The following FDX1 variants were observed in gnomAD, a reference collection of about 807,000 sequenced individuals.
FDX1 encodes adrenodoxin, mitochondrial.
In FDX1, 9 loss-of-function variants were observed where a neutral mutation model predicts 14.9. The ratio of observed to expected loss-of-function variants is 0.60; its 90% CI spans 0.36 to 1.05. FDX1 has a LOEUF of 1.05. Ranked by LOEUF, FDX1 falls within the 50% of genes least tolerant of loss-of-function variation. The probability of loss-of-function intolerance (pLI) is 0.01; values close to 1 mark genes in which losing one functional copy is unlikely to be tolerated. For synonymous variants in FDX1, 92 were observed against 99.4 expected (o/e 0.93, Z 0.44); for missense variants, 204 against 237.2 (o/e 0.86, Z 0.92).
intron 2 of FDX1, among the ~76,000 whole-genome samples, chr11:110,449,419 C>G (rs1946472208): frequency 1.3e-5 from 2 of 152,084 alleles, no homozygotes. Flanking sequence ...ATTGACAGAT[C>G]ATAATTGTAT....
chr11:110,448,945 A>G (rs533002775), intron 2 of FDX1, among the ~76,000 whole-genome samples: 1 of 152,316 alleles, frequency 6.6e-6, no homozygotes, highest in Non-Finnish European at 1.5e-5. Flanking sequence ...TGTCAGCACC[A>G]TGTGAACCAT....
rs185222384 is a variant in FDX1, at chr11:110,454,651, A to G, written c.311-2267A>G. Among the ~76,000 whole-genome samples the G allele has an allele frequency of 1.3e-3, 192 of 152,252 alleles. 1 individual carries two copies. The highest frequency in any genetic ancestry group is 4.3e-3 in the African/African-American group (179 of 41,550). ...TCTAAGAGTTTCTGTAACTTTGGAT[A>G]ATAATAATAATGTTTACCAACACTT... On this transcript the variant is annotated intron_variant, in intron 2 of 3. Transcript: ENST00000260270.
At chr11:110,439,901 C>T (rs542027430) in intron 2 of FDX1, among the ~76,000 whole-genome samples, 1 of 152,194 alleles carries the variant, frequency 6.6e-6, no homozygotes, top group South Asian at 2.1e-4. Flanking sequence ...ATATAATAGC[C>T]ATCAATCCCA....
At chr11:110,434,233 A>G (rs1946351223) in intron 1 of FDX1, among the ~76,000 whole-genome samples, 1 of 152,220 alleles carries the variant, frequency 6.6e-6, no homozygotes, top group Non-Finnish European at 1.5e-5. Context: ...GTAAGTATAC[A>G]ATGTGGACTG....
intron 1 of FDX1, among the ~76,000 whole-genome samples, chr11:110,433,650 A>G (rs1264580608): frequency 6.6e-6 from 1 of 152,230 alleles, no homozygotes. Context: ...AAAATTATGA[A>G]TAATATGTGG....
intron 2 of FDX1, among the ~76,000 whole-genome samples, chr11:110,450,920 A>G (rs916769246): frequency 2.6e-5 from 4 of 152,108 alleles, no homozygotes; most frequent in Non-Finnish European, 4.4e-5. Context: ...AGCCACCAAT[A>G]TTACTCTGGG....
rs59467093 is a variant in FDX1 at position 110,461,496 on chromosome 11, TAAA to T, written c.441-840_441-838del. Among the ~76,000 whole-genome samples, 66 of 106,336 alleles carry T rather than the reference TAAA, an allele frequency of 6.2e-4. 1 individual carries two copies. Among genetic ancestry groups the T allele is most frequent in the South Asian group, 4.0e-3 (13 of 3,282 alleles). The allele number at this position is 106,336 out of a possible 152,430, so 69.8% of individuals were successfully genotyped here. ...TGGGTGACAGAGCCAGACCCTGTCTTAAAAAAAAAAAAAAAAAAAAGAAGGAAA... is the reference window on the plus strand; with the variant it reads ...TGGGTGACAGAGCCAGACCCTGTCTTAAAAAAAAAAAAAAAAAGAAGGAAA... On this transcript the variant is annotated intron_variant, in intron 3 of 3. Coordinates refer to ENST00000260270, the MANE Select transcript of FDX1 (RefSeq NM_004109.5).
In FDX1 at chr11:110,463,869, A is replaced by C. The variant is rs1946574667; in HGVS notation, c.*1401A>C. The C allele has an allele frequency of 6.6e-6, 1 of 151,748 alleles. No individual in the cohort carries two copies. The highest frequency in any genetic ancestry group is 3.4e-3 in the Middle Eastern group (1 of 294). 9.4% of individuals were successfully genotyped at this position (151,748 alleles called of 1,614,324 possible). A position where few individuals can be genotyped will look rare whatever the true frequency, so the allele number is the denominator to read the frequency against. On this transcript the variant is annotated 3_prime_UTR_variant, in exon 4 of 4. Transcript: ENST00000260270. Reference sequence around the variant, plus strand: ...AAAGTGATTAGGAAGAACTTGAAGTATCATTTGATGCTTAATAACTATTGA... The same window carrying C: ...AAAGTGATTAGGAAGAACTTGAAGTCTCATTTGATGCTTAATAACTATTGA...
chr11:110,435,959 G>A lies in FDX1; in HGVS notation c.310+1G>A. The A allele has an allele frequency of 6.2e-7, 1 of 1,607,784 alleles. No individual in the cohort carries two copies. Among genetic ancestry groups the A allele is most frequent in the Non-Finnish European group, 8.5e-7 (1 of 1,178,012 alleles). ...AATAATCTAGATATTGATGGCTTTGGTGAGTATGAAACATTTCTTAAAATG... is the reference window on the plus strand; with the variant it reads ...AATAATCTAGATATTGATGGCTTTGATGAGTATGAAACATTTCTTAAAATG... On this transcript the variant is annotated splice_donor_variant, in intron 2 of 3. Coordinates refer to ENST00000260270, the MANE Select transcript of FDX1 (RefSeq NM_004109.5). LOFTEE classifies it high-confidence loss of function.
rs555533527 is a variant in FDX1, at chr11:110,464,590, C to T, written c.*2122C>T. 33 of 152,204 alleles carry T rather than the reference C, an allele frequency of 2.2e-4. No individual in the cohort carries two copies. Among genetic ancestry groups the T allele is most frequent in the Admixed American group, 1.2e-3 (18 of 15,282 alleles). The allele number at this position is 152,204 out of a possible 1,614,324, so 9.4% of individuals were successfully genotyped here. Reference sequence around the variant, plus strand: ...CCACCTTTCAATGCCATTACACTGGCAATTTAATTTCAAGATGAGTTTTGG... The same window carrying T: ...CCACCTTTCAATGCCATTACACTGGTAATTTAATTTCAAGATGAGTTTTGG... On this transcript the variant is annotated 3_prime_UTR_variant, in exon 4 of 4. Coordinates refer to ENST00000260270, the MANE Select transcript of FDX1 (RefSeq NM_004109.5).
At chr11:110,432,667 C>CCT (rs779766926) in intron 1 of FDX1, among the ~76,000 whole-genome samples, 4 of 152,274 alleles carry the variant, frequency 2.6e-5, no homozygotes, top group Non-Finnish European at 5.9e-5. Context: ...TGAGATTTCA[C>CCT]TATGTTGACC....
At chr11:110,444,867 G>A (rs1457222390) in intron 2 of FDX1, among the ~76,000 whole-genome samples, 1 of 150,560 alleles carries the variant, frequency 6.6e-6, no homozygotes, top group Non-Finnish European at 1.5e-5. Context: ...GTATGCTGCT[G>A]CTTCAATGAA....
intron 2 of FDX1, among the ~76,000 whole-genome samples, chr11:110,440,498 A>T (rs943508700): frequency 6.6e-6 from 1 of 152,170 alleles, no homozygotes; most frequent in Non-Finnish European, 1.5e-5. Context: ...GATTTCTGCC[A>T]TATGGTGGAG....
chr11:110,435,431 G>T (rs373428927), intron 1 of FDX1, among the ~76,000 whole-genome samples: 1 of 152,200 alleles, frequency 6.6e-6, no homozygotes, highest in Non-Finnish European at 1.5e-5. Context: ...GACATATACT[G>T]AGGCCACCAG....
At position 110,464,604 on chromosome 11, in the gene FDX1, G is replaced by T. The variant is rs1946581572; in HGVS notation, c.*2136G>T. The T allele has an allele frequency of 6.6e-6, 1 of 152,148 alleles. No individual in the cohort carries two copies. The highest frequency in any genetic ancestry group is 1.5e-5 in the Non-Finnish European group (1 of 68,020). The allele number at this position is 152,148 out of a possible 1,614,324, so 9.4% of individuals were successfully genotyped here. The stretch of plus-strand genomic sequence containing the variant: ...CATTACACTGGCAATTTAATTTCAA[G>T]ATGAGTTTTGGAGGGGACATTCAAA... On this transcript the variant is annotated 3_prime_UTR_variant, in exon 4 of 4. Coordinates refer to ENST00000260270, the MANE Select transcript of FDX1 (RefSeq NM_004109.5).
chr11:110,432,844 T>A (rs1347446681), intron 1 of FDX1, among the ~76,000 whole-genome samples: 1 of 152,196 alleles, frequency 6.6e-6, no homozygotes, highest in East Asian at 1.9e-4. Flanking sequence ...CGTTTCCGCC[T>A]CCTCTCCTCT....
At chr11:110,442,764 G>A (rs974899639) in intron 2 of FDX1, among the ~76,000 whole-genome samples, 6 of 152,318 alleles carry the variant, frequency 3.9e-5, no homozygotes, top group Admixed American at 2.6e-4. Flanking sequence ...GGCATGATTG[G>A]TTTTGAAATG....
intron 2 of FDX1, among the ~76,000 whole-genome samples, chr11:110,444,568 A>G (rs1946425603): frequency 6.7e-6 from 1 of 149,190 alleles, no homozygotes; most frequent in Non-Finnish European, 1.5e-5. Context: ...GTGAGCTGAG[A>G]TTGTGCCTCT....
chr11:110,445,560 A>T (rs947865795), intron 2 of FDX1, among the ~76,000 whole-genome samples: 2 of 152,210 alleles, frequency 1.3e-5, no homozygotes, highest in Non-Finnish European at 2.9e-5. Context: ...GCTATTTTAC[A>T]AGTATATATG....
Sources: gnomAD v4.1 joint callset for allele counts (sites outside exome capture counted in the v4.1 genomes callset) on GRCh38, gnomAD v4.1.1 for gene constraint, MANE v1.5 for transcripts, NCBI Gene and HGNC (gene_info 2026-07-23, HGNC 2026-07-21) for gene names.